The following SUGCT variants were observed in gnomAD, a reference collection of about 807,000 sequenced individuals.
SUGCT encodes the protein succinyl-CoA:glutarate-CoA transferase, also known as succinyl-CoA:glutarate CoA-transferase.
Under a neutral mutation model 55.0 loss-of-function variants are expected in SUGCT, and 41 were observed. The observed-to-expected ratio is 0.74, with a 90% CI of 0.58 to 0.97. SUGCT has a LOEUF of 0.97. Among genes scored for constraint, SUGCT ranks in the 50% least tolerant of loss-of-function variants. SUGCT has a pLI of 0.00. For synonymous variants in SUGCT, 187 were observed against 200.4 expected, an observed-to-expected ratio of 0.93 and a Z score of 0.56; for missense variants, 568 against 547.8, an observed-to-expected ratio of 1.04 and a Z score of -0.37.
intron 13 of SUGCT, among the ~76,000 whole-genome samples, chr7:40,757,365 C>T (rs534211411): frequency 5.6e-4 from 85 of 152,168 alleles, no homozygotes; most frequent in Non-Finnish European, 1.2e-3. Context: ...GAGACCTGGG[C>T]TTTCATACTC....
intron 9 of SUGCT, among the ~76,000 whole-genome samples, chr7:40,392,674 T>A (rs1244525848): frequency 6.6e-6 from 1 of 152,118 alleles, no homozygotes; most frequent in Non-Finnish European, 1.5e-5. Flanking sequence ...TATTTGTGTT[T>A]TAGGTAAATT....
chr7:40,182,122 G>T, intron 3 of SUGCT, 94 bp downstream of exon 3: 2 of 688,098 alleles, frequency 2.9e-6, no homozygotes, highest in Non-Finnish European at 4.9e-6. Flanking sequence ...CCTATAAGTG[G>T]GATAAGGAGA....
intron 6 of SUGCT, among the ~76,000 whole-genome samples, chr7:40,216,432 G>A (rs1787642560): frequency 6.6e-6 from 1 of 150,818 alleles, no homozygotes; most frequent in Admixed American, 6.6e-5. Context: ...CCCGGGAGGA[G>A]GAGGTTGTAG....
At chr7:40,324,264 T>TATATATATATATATATA (rs1795909892) in intron 9 of SUGCT, among the ~76,000 whole-genome samples, 1 of 144,562 alleles carries the variant, frequency 6.9e-6, no homozygotes, top group African/African-American at 2.6e-5. Flanking sequence ...TATATATATA[T>TATATATATATATATATA]TTATTTTTTG....
rs190518108 is a variant in SUGCT, at chr7:40,783,798, C to T, written c.1153+34301C>T. 2.4e-3 allele frequency among the ~76,000 whole-genome samples: 372 copies of T among 152,262 alleles called. 6 individuals are homozygous for T. The highest frequency in any genetic ancestry group is 1.0e-3 in the South Asian group (5 of 4,832). Reference sequence around the variant, plus strand: ...GCTGGGATCCTAGATTTGCTCTCACCTCTAAACTTTAGACATTTCTCAGTT... The same window carrying T: ...GCTGGGATCCTAGATTTGCTCTCACTTCTAAACTTTAGACATTTCTCAGTT... On this transcript the variant is annotated intron_variant, in intron 13 of 13. Transcript: ENST00000335693.
Position 40,508,983 on chromosome 7 carries a change from C to CT in SUGCT, c.1089+12607dup, listed in dbSNP as rs915855163. ...TTGCTAGCTGTGATCTCCTATCTCGCTTTTTTTTTTGAAAGAAAAGTGTGG... is the reference window on the plus strand; with the variant it reads ...TTGCTAGCTGTGATCTCCTATCTCGCTTTTTTTTTTTGAAAGAAAAGTGTGG... On this transcript the variant is annotated intron_variant, in intron 12 of 13. Coordinates refer to ENST00000335693, the MANE Select transcript of SUGCT (RefSeq NM_001193313.2). Among the ~76,000 whole-genome samples the CT allele has an allele frequency of 2.4e-4, 36 of 148,340 alleles. 1 individual carries two copies. Among genetic ancestry groups the CT allele is most frequent in the East Asian group, 2.2e-3 (11 of 5,092 alleles).
chr7:40,617,986 A>C (rs1799092278), intron 12 of SUGCT, among the ~76,000 whole-genome samples: 1 of 152,304 alleles, frequency 6.6e-6, no homozygotes, highest in East Asian at 1.9e-4. Context: ...CCTGTTGCTT[A>C]GTCATTATGT....
chr7:40,372,924 T>G (rs1784358486), intron 9 of SUGCT, among the ~76,000 whole-genome samples: 1 of 152,022 alleles, frequency 6.6e-6, no homozygotes, highest in Non-Finnish European at 1.5e-5. Flanking sequence ...TATTGATTTG[T>G]CATGAAAAGG....
intron 9 of SUGCT, among the ~76,000 whole-genome samples, chr7:40,404,740 A>G (rs1465763489): frequency 6.6e-6 from 1 of 151,816 alleles, no homozygotes; most frequent in Non-Finnish European, 1.5e-5. Flanking sequence ...CTCAGACTCC[A>G]CTTGAATTTG....
intron 13 of SUGCT, among the ~76,000 whole-genome samples, chr7:40,848,456 A>C (rs1371649774): frequency 1.3e-5 from 2 of 152,192 alleles, no homozygotes; most frequent in Non-Finnish European, 2.9e-5. Context: ...AGCTGGCTTA[A>C]TAAACCTCCA....
intron 1 of SUGCT, chr7:40,152,548 G>A: frequency 4.7e-6 from 1 of 210,582 alleles, no homozygotes; most frequent in East Asian, 1.2e-4. Context: ...ATTTGGCTTA[G>A]GTTTATTGTC....
intron 12 of SUGCT, among the ~76,000 whole-genome samples, chr7:40,713,845 A>G (rs990993311): frequency 6.6e-6 from 1 of 152,182 alleles, no homozygotes; most frequent in Non-Finnish European, 1.5e-5. Flanking sequence ...CCATCACATC[A>G]TGCATAAACT....
the SUGCT span, among the ~76,000 whole-genome samples, chr7:40,921,159 C>A: frequency 6.6e-6 from 1 of 152,240 alleles, no homozygotes; most frequent in East Asian, 1.9e-4. Context: ...CAAAAATATT[C>A]ATATTGTAAG....
chr7:40,544,614 C>G (rs1794893449), intron 12 of SUGCT, among the ~76,000 whole-genome samples: 1 of 152,044 alleles, frequency 6.6e-6, no homozygotes, highest in African/African-American at 2.4e-5. Flanking sequence ...GTCAATTTTC[C>G]CTTGTGTACC....
chr7:40,821,960 TG>T (rs762180685), intron 13 of SUGCT, among the ~76,000 whole-genome samples: 2 of 152,202 alleles, frequency 1.3e-5, no homozygotes, highest in Non-Finnish European at 2.9e-5. Context: ...TCTGGTATGT[TG>T]TGTCTGTGTT....
In SUGCT at chr7:40,156,922, C is replaced by A. The variant is rs528767522; in HGVS notation, c.100+21802C>A. 9.8e-4 allele frequency among the ~76,000 whole-genome samples: 145 copies of A among 148,018 alleles called. 1 individual carries two copies. The South Asian group carries it at 0.012, about 12-fold the overall frequency. On this transcript the variant is annotated intron_variant, in intron 1 of 13. Transcript: ENST00000335693. ...ACCCAGCTACTCAGAGGCTGAGGTACGAGAATCGCTTGAACTCGGGAGGCA... is the reference window on the plus strand; with the variant it reads ...ACCCAGCTACTCAGAGGCTGAGGTAAGAGAATCGCTTGAACTCGGGAGGCA...
chr7:40,248,550 A>T (rs533113396), intron 7 of SUGCT, among the ~76,000 whole-genome samples: 6 of 151,668 alleles, frequency 4.0e-5, no homozygotes, highest in East Asian at 2.0e-4. Flanking sequence ...AATTTTCTAC[A>T]TGCGCAATTA....
chr7:40,898,755 G>A, the SUGCT span, among the ~76,000 whole-genome samples: 38 of 152,142 alleles, frequency 2.5e-4, no homozygotes, highest in South Asian at 2.9e-3. Flanking sequence ...GGAAGTCAGC[G>A]AGACCGAAAG....
At chr7:40,719,195 G>A (rs1364182005) in intron 12 of SUGCT, among the ~76,000 whole-genome samples, 1 of 152,168 alleles carries the variant, frequency 6.6e-6, no homozygotes, top group Non-Finnish European at 1.5e-5. Flanking sequence ...CTGCTTTCTG[G>A]TATATAGGCC....
Sources: allele counts gnomAD v4.1 joint callset (sites outside exome capture counted in the v4.1 genomes callset), GRCh38; gene constraint gnomAD v4.1.1; transcripts MANE v1.5; gene names NCBI Gene and HGNC (gene_info 2026-07-23, HGNC 2026-07-21).